Variants in TBC1D26 observed in about 807,000 individuals in gnomAD.
The protein encoded by TBC1D26 is TBC1 domain family member 26, also known as TBC1 domain family, member 26.
TBC1D26 carries 19 observed loss-of-function variants against 42.5 expected under a neutral mutation model. The observed-to-expected ratio is 0.45, with a 90% CI of 0.31 to 0.66. The LOEUF (loss-of-function observed/expected upper bound fraction) is 0.66, where lower values mean the gene tolerates loss of function less well. Ranked by LOEUF, TBC1D26 falls within the 30% of genes least tolerant of loss-of-function variation. The probability of loss-of-function intolerance (pLI) is 0.06; values close to 1 mark genes in which losing one functional copy is unlikely to be tolerated. For synonymous variants in TBC1D26, 97 were observed against 123.5 expected (o/e 0.79, Z 1.42); for missense variants, 228 against 332.6 (o/e 0.69, Z 2.45).
intron 9 of TBC1D26, 103 bp downstream of exon 9, chr17:15,740,251 C>A (rs763718187): frequency 6.2e-7 from 1 of 1,613,290 alleles, no homozygotes; most frequent in South Asian, 1.1e-5. Context: ...CAGTGTTTGT[C>A]CACCAGGACG....
chr17:15,741,908 G>A, intron 10 of TBC1D26, 34 bp from the exon 11 acceptor site: 1 of 1,608,100 alleles, frequency 6.2e-7, no homozygotes. Flanking sequence ...TTGGGCGTGG[G>A]GTCTGATGGG....
At chr17:15,743,559 G>A in intron 14 of TBC1D26, 43 bp downstream of exon 14, 9 of 886,884 alleles carry the variant, frequency 1.0e-5, no homozygotes, top group South Asian at 5.0e-5. Context: ...ACCCTCTGGG[G>A]CAGTCAATGG....
intron 8 of TBC1D26, 65 bp downstream of exon 8, chr17:15,738,895 C>T (rs1967698137): frequency 1.2e-6 from 2 of 1,607,750 alleles, no homozygotes; most frequent in Non-Finnish European, 1.7e-6. Context: ...ATGAGGTTGT[C>T]CCCAGGGCAG....
rs367990858 is a variant in TBC1D26, at chr17:15,735,330, G to A, written c.-1-18G>A. On this transcript the variant is annotated intron_variant, in intron 2 of 14. Coordinates refer to ENST00000437605, the MANE Select transcript of TBC1D26 (RefSeq NM_001388465.1). ...GCTCTTGGGTGCGGGAGAGCCTTGG[G>A]ATGACTTTGTCTTGCAGGATGGAGA... is the stretch of plus-strand genomic sequence containing the variant. 3 of 1,613,660 alleles carry A rather than the reference G, an allele frequency of 1.9e-6. No homozygotes were observed. The highest frequency in any genetic ancestry group is 2.5e-6 in the Non-Finnish European group (3 of 1,179,710).
chr17:15,733,407 G>C (rs1239005457), intron 1 of TBC1D26, among the ~76,000 whole-genome samples: 31 of 152,006 alleles, frequency 2.0e-4, no homozygotes, highest in African/African-American at 7.0e-4. Context: ...CTCACACCCA[G>C]CATTTTACAG....
At chr17:15,744,152 T>G (rs191352538) in intron 14 of TBC1D26, 91 bp from the exon 15 acceptor site, 694 of 152,276 alleles carry the variant, frequency 4.6e-3, no homozygotes, top group Non-Finnish European at 8.0e-3. Flanking sequence ...CCTCGTGGTA[T>G]GTCACAGAAC....
Position 15,741,984 on chromosome 17 carries a change from C to T in TBC1D26, c.689C>T (p.Ser230Leu), listed in dbSNP as rs774096737. ...ACTGCCTGGCTCGAGAGGCTCCTAT[C>T]GCACCAGGAGCAGGTGCTGCACAAG... is the stretch of plus-strand genomic sequence containing the variant. ...PNTAWLERLL[S>L]HQEQVLHKSF... is the part of the protein sequence containing the mutation. The change falls in exon 11 of 15, where the codon TCG (serine) becomes TTG (leucine). Residue 230 changes from serine to leucine, a missense_variant. This residue lies in a region of TBC1D26 where 130 missense variants were observed against 168.5 expected (regional missense o/e 0.77). Coordinates refer to ENST00000437605, the MANE Select transcript of TBC1D26 (RefSeq NM_001388465.1). The T allele has an allele frequency of 1.2e-4, 192 of 1,613,932 alleles. 4 individuals carry two copies. The South Asian group carries it at 1.5e-3, about 13-fold the overall frequency.
intron 9 of TBC1D26, 98 bp from the exon 10 acceptor site, chr17:15,741,024 T>C: frequency 6.6e-7 from 1 of 1,506,262 alleles, no homozygotes; most frequent in Non-Finnish European, 9.0e-7. Context: ...GAGGCAGGTG[T>C]CCCCAAAGAC....
At chr17:15,741,877 T>C in intron 10 of TBC1D26, 65 bp from the exon 11 acceptor site, 1 of 1,549,026 alleles carries the variant, frequency 6.5e-7, no homozygotes, top group East Asian at 2.3e-5. Flanking sequence ...GCCCAGCTCT[T>C]CCAGCTGATG....
intron 4 of TBC1D26, among the ~76,000 whole-genome samples, chr17:15,736,880 C>T (rs999011220): frequency 1.4e-4 from 22 of 152,374 alleles, no homozygotes; most frequent in South Asian, 1.0e-3. Flanking sequence ...CCAGGGTGGC[C>T]GGAGAGAGGG....
In TBC1D26 at chr17:15,741,113, CT is replaced by C; in HGVS notation, c.547-8del. The C allele has an allele frequency of 6.2e-7, 1 of 1,608,792 alleles. No homozygotes were observed. On this transcript the variant is annotated splice_polypyrimidine_tract_variant and splice_region_variant and intron_variant, in intron 9 of 14. Coordinates refer to ENST00000437605, the MANE Select transcript of TBC1D26 (RefSeq NM_001388465.1). ...TGACATCTTTCCACGGTGACTCTGG[CT>C]CTTGCAGGAGGTGGGCTACCACAGG...
intron 6 of TBC1D26, 75 bp downstream of exon 6, chr17:15,738,152 G>A (rs1597755308): frequency 6.2e-7 from 1 of 1,612,214 alleles, no homozygotes; most frequent in East Asian, 2.2e-5. Flanking sequence ...GTTGTGACCT[G>A]GCACCGTCTG....
intron 5 of TBC1D26, 140 bp from the exon 6 acceptor site, chr17:15,737,857 G>C: frequency 9.5e-7 from 1 of 1,047,676 alleles, no homozygotes; most frequent in East Asian, 2.5e-5. Flanking sequence ...CCTTCAGAGG[G>C]TCTCAGCCCC....
chr17:15,736,481 GA>G (rs1324740966), intron 4 of TBC1D26: 1 of 151,752 alleles, frequency 6.6e-6, no homozygotes, highest in Non-Finnish European at 1.5e-5. Context: ...CTCAGTGGGG[GA>G]ACTTGGTCAG....
intron 10 of TBC1D26, 120 bp from the exon 11 acceptor site, chr17:15,741,822 C>T (rs1967790980): frequency 1.1e-6 from 1 of 906,890 alleles, no homozygotes; most frequent in Non-Finnish European, 1.7e-6. Flanking sequence ...CTGGGGTCAC[C>T]ACATGGGAGG....
At chr17:15,740,936 T>C (rs1436662449) in intron 9 of TBC1D26, 186 bp from the exon 10 acceptor site, 2 of 747,374 alleles carry the variant, frequency 2.7e-6, no homozygotes, top group Non-Finnish European at 4.2e-6. Context: ...TCAACTGAGT[T>C]GTGCGTGACC....
In TBC1D26 at chr17:15,737,930, C is replaced by T. The variant is rs146208041; in HGVS notation, c.199-67C>T. 3 of 1,608,906 alleles carry T rather than the reference C, an allele frequency of 1.9e-6. No homozygotes were observed. The African/African-American group carries it at 4.0e-5, about 21-fold the overall frequency. ...CCTTCAGGGCCCCAAAGCCCTGGAC[C>T]CAGCATCCACGGGCCACTGTCAGAC... On this transcript the variant is annotated intron_variant, in intron 5 of 14. Coordinates refer to ENST00000437605, the MANE Select transcript of TBC1D26 (RefSeq NM_001388465.1).
chr17:15,740,186 G>T (rs781533726), intron 9 of TBC1D26, 38 bp downstream of exon 9: 1 of 1,614,158 alleles, frequency 6.2e-7, no homozygotes, highest in Non-Finnish European at 8.5e-7. Flanking sequence ...TGGGACATGT[G>T]CCCATATTCA....
intron 1 of TBC1D26, among the ~76,000 whole-genome samples, chr17:15,733,355 GGGA>G (rs1157899928): frequency 6.6e-6 from 1 of 152,104 alleles, no homozygotes; most frequent in Non-Finnish European, 1.5e-5. Flanking sequence ...GAAGGCTACT[GGGA>G]GGAGGAGGTG....
Sources: gnomAD v4.1 joint callset for allele counts (sites outside exome capture counted in the v4.1 genomes callset) on GRCh38, gnomAD v4.1.1 for gene constraint, gnomAD v4.1.1 regional missense constraint, MANE v1.5 for transcripts, NCBI Gene and HGNC (gene_info 2026-07-23, HGNC 2026-07-21) for gene names.